Variants in EPHB1 observed in about 807,000 individuals in gnomAD.
The protein encoded by EPHB1 is ephrin type-B receptor 1.
EPHB1 carries 30 observed loss-of-function variants against 94.4 expected under a neutral mutation model. The observed-to-expected ratio is 0.32, with a 90% CI of 0.24 to 0.43. EPHB1 has a LOEUF of 0.43. Among genes scored for constraint, EPHB1 ranks in the 20% least tolerant of loss-of-function variants. The pLI, the probability that EPHB1 is intolerant of heterozygous loss-of-function variation, is 1.00. For missense variants in EPHB1, 1,055 were observed against 1,308.3 expected (o/e 0.81, Z 2.99); for synonymous variants, 522 against 489.1 (o/e 1.07, Z -0.89).
intron 11 of EPHB1, among the ~76,000 whole-genome samples, chr3:135,199,532 C>A (rs888672377): frequency 9.2e-5 from 14 of 152,182 alleles, no homozygotes; most frequent in Admixed American, 9.2e-4. Context: ...ATGGAGAAAG[C>A]ATACATTCAA....
At chr3:135,170,400 G>T (rs1941772195) in intron 9 of EPHB1, among the ~76,000 whole-genome samples, 2 of 150,008 alleles carry the variant, frequency 1.3e-5, no homozygotes, top group South Asian at 4.2e-4. Context: ...AGAGAATTTG[G>T]ATTTGGGTGG....
chr3:135,097,338 ACTCTCT>A (rs1271619966), intron 3 of EPHB1, among the ~76,000 whole-genome samples: 6 of 151,818 alleles, frequency 4.0e-5, no homozygotes, highest in African/African-American at 1.4e-4. Flanking sequence ...CCAGGCCTGG[ACTCTCT>A]TCTGAGAGAA....
rs1212823537 is a variant in EPHB1, at chr3:135,140,195, G to A, written c.1297+7146G>A. The stretch of plus-strand genomic sequence containing the variant: ...AGAGGGGACACCAGTTGGATTATTA[G>A]ATAGTTGCTGTTCACCTTGTGAGCT... On this transcript the variant is annotated intron_variant, in intron 5 of 15. Coordinates refer to ENST00000398015, the MANE Select transcript of EPHB1 (RefSeq NM_004441.5). Among the ~76,000 whole-genome samples, 3 of 152,172 alleles carry A rather than the reference G, an allele frequency of 2.0e-5. No individual in the cohort carries two copies. The East Asian group carries it at 5.8e-4, about 29-fold the overall frequency.
chr3:134,855,709 C>T lies in EPHB1; in HGVS notation c.58+60020C>T, dbSNP rs1257087896. 2.6e-5 allele frequency among the ~76,000 whole-genome samples: 4 copies of T among 152,094 alleles called. No homozygotes were observed. In the South Asian group the frequency reaches 8.3e-4, roughly 32 times the overall value. ...GCTGTTTTCCTTCCCATAGTCCTTC[C>T]ACCAATGATGCCATAGGAATAGGGG... On this transcript the variant is annotated intron_variant, in intron 1 of 15. Coordinates refer to ENST00000398015, the MANE Select transcript of EPHB1 (RefSeq NM_004441.5).
intron 11 of EPHB1, among the ~76,000 whole-genome samples, chr3:135,200,917 G>A (rs1436549170): frequency 1.3e-5 from 2 of 152,156 alleles, no homozygotes; most frequent in Non-Finnish European, 2.9e-5. Context: ...AGGGCCCTAA[G>A]GCAGGAAGAG....
At position 135,177,263 on chromosome 3, in the gene EPHB1, G is replaced by C. The variant is rs139175108; in HGVS notation, c.1760-2597G>C. Among the ~76,000 whole-genome samples, 4 of 152,350 alleles carry C rather than the reference G, an allele frequency of 2.6e-5. No individual in the cohort carries two copies. The East Asian group carries it at 7.7e-4, about 29-fold the overall frequency. ...ACCTGTGGGTCCCAGCATCTGGGCT[G>C]TTTACGTCCTCTCACCACAGCACAG... is the stretch of plus-strand genomic sequence containing the variant. On this transcript the variant is annotated intron_variant, in intron 9 of 15. Transcript: ENST00000398015.
chr3:134,832,584 C>T (rs934905512), intron 1 of EPHB1, among the ~76,000 whole-genome samples: 1 of 152,186 alleles, frequency 6.6e-6, no homozygotes, highest in Middle Eastern at 3.2e-3. Context: ...CCTTAATTCA[C>T]TGAAAACCTT....
intron 3 of EPHB1, among the ~76,000 whole-genome samples, chr3:134,991,261 A>G (rs994851513): frequency 1.3e-5 from 2 of 152,126 alleles, no homozygotes; most frequent in Non-Finnish European, 2.9e-5. Context: ...TTGCCTGGAT[A>G]TGTCTCCTAT....
chr3:135,005,807 C>G (rs1412144468), intron 3 of EPHB1, among the ~76,000 whole-genome samples: 1 of 152,252 alleles, frequency 6.6e-6, no homozygotes, highest in Non-Finnish European at 1.5e-5. Context: ...ATGCCTTGCC[C>G]TGCTTCGGCT....
chr3:134,879,139 T>A (rs1374459043), intron 1 of EPHB1, among the ~76,000 whole-genome samples: 1 of 152,156 alleles, frequency 6.6e-6, no homozygotes, highest in African/African-American at 2.4e-5. Flanking sequence ...CCTCCCCTTT[T>A]GCAGGAGGCG....
At chr3:135,003,861 G>A (rs1416741189) in intron 3 of EPHB1, among the ~76,000 whole-genome samples, 37 of 152,062 alleles carry the variant, frequency 2.4e-4, no homozygotes, top group South Asian at 6.2e-4. Flanking sequence ...GTCTCTGCAC[G>A]TGAGATGGGT....
At chr3:135,016,100 A>G (rs1384003727) in intron 3 of EPHB1, among the ~76,000 whole-genome samples, 1 of 152,176 alleles carries the variant, frequency 6.6e-6, no homozygotes, top group Non-Finnish European at 1.5e-5. Context: ...GCAATTATAA[A>G]TGGGTAAAGG....
At chr3:134,957,152 C>T (rs991484366) in intron 3 of EPHB1, among the ~76,000 whole-genome samples, 13 of 152,114 alleles carry the variant, frequency 8.5e-5, no homozygotes, top group South Asian at 4.1e-4. Flanking sequence ...ATTTTTGACC[C>T]CAGGGAAGGC....
At chr3:134,994,282 A>G (rs145707982) in intron 3 of EPHB1, among the ~76,000 whole-genome samples, 5 of 152,360 alleles carry the variant, frequency 3.3e-5, no homozygotes, top group East Asian at 3.9e-4. Context: ...TGATAAATAT[A>G]TGAAATATCA....
chr3:134,870,485 A>G (rs1050870184), intron 1 of EPHB1, among the ~76,000 whole-genome samples: 10 of 152,226 alleles, frequency 6.6e-5, no homozygotes, highest in Non-Finnish European at 1.3e-4. Flanking sequence ...AATATTCAGA[A>G]GCCCACTTAG....
At chr3:134,858,696 A>T (rs2037179297) in intron 1 of EPHB1, among the ~76,000 whole-genome samples, 1 of 152,210 alleles carries the variant, frequency 6.6e-6, no homozygotes. Context: ...GACCCCTTGG[A>T]GCTGGTCGAA....
Position 135,192,570 on chromosome 3 carries a change from T to C in EPHB1, c.1883-6T>C, listed in dbSNP as rs2107709906. 1 of 1,613,186 alleles carries C rather than the reference T, an allele frequency of 6.2e-7. No homozygotes were observed. The highest frequency in any genetic ancestry group is 8.5e-7 in the Non-Finnish European group (1 of 1,179,330). ...GAGGATATTAATGGCATTTTTGCTG[T>C]TGCAGGGGAGTTTGGAGAAGTGTAC... On this transcript the variant is annotated splice_region_variant and splice_polypyrimidine_tract_variant and intron_variant, in intron 10 of 15. Transcript: ENST00000398015.
intron 3 of EPHB1, among the ~76,000 whole-genome samples, chr3:135,057,677 G>A (rs1937386092): frequency 6.6e-6 from 1 of 152,078 alleles, no homozygotes; most frequent in Non-Finnish European, 1.5e-5. Context: ...TTCCAATCTC[G>A]ATGTCAGATT....
intron 4 of EPHB1, among the ~76,000 whole-genome samples, chr3:135,129,664 A>T (rs892060208): frequency 6.6e-6 from 1 of 152,224 alleles, no homozygotes; most frequent in African/African-American, 2.4e-5. Context: ...GGAAGAGACT[A>T]TCACAATGCA....
Sources: gnomAD v4.1 joint callset for allele counts (sites outside exome capture counted in the v4.1 genomes callset) on GRCh38, gnomAD v4.1.1 for gene constraint, MANE v1.5 for transcripts, NCBI Gene and HGNC (gene_info 2026-07-23, HGNC 2026-07-21) for gene names.